The following SDC2 variants were observed in gnomAD, a reference collection of about 807,000 sequenced individuals.
SDC2 encodes syndecan-2.
In SDC2, 13 loss-of-function variants were observed where a neutral mutation model predicts 22.2. That is an observed-to-expected ratio of 0.59 (90% CI 0.38 to 0.93). The LOEUF (loss-of-function observed/expected upper bound fraction) is 0.93, where lower values mean the gene tolerates loss of function less well. Ranked by LOEUF, SDC2 falls within the 40% of genes least tolerant of loss-of-function variation. SDC2 has a pLI of 0.00. For synonymous variants in SDC2, 94 were observed against 92.8 expected, an observed-to-expected ratio of 1.01 and a Z score of -0.07; for missense variants, 235 against 246.8, an observed-to-expected ratio of 0.95 and a Z score of 0.32.
intron 1 of SDC2, among the ~76,000 whole-genome samples, chr8:96,502,285 C>G (rs926276257): frequency 1.3e-5 from 2 of 152,138 alleles, no homozygotes; most frequent in Admixed American, 6.5e-5. Context: ...ATAGGGGAAA[C>G]CGCCCCCATG....
chr8:96,596,426 C>T (rs1430863099), intron 2 of SDC2, among the ~76,000 whole-genome samples: 1 of 152,200 alleles, frequency 6.6e-6, no homozygotes, highest in African/African-American at 2.4e-5. Flanking sequence ...GGAGATAGGA[C>T]TATGTTCTAT....
chr8:96,546,694 A>C (rs1230984919), intron 1 of SDC2, among the ~76,000 whole-genome samples: 1 of 152,216 alleles, frequency 6.6e-6, no homozygotes, highest in East Asian at 1.9e-4. Context: ...GGGCTATGTT[A>C]ACAGTAAGGA....
At chr8:96,560,138 C>T (rs1463139934) in intron 1 of SDC2, among the ~76,000 whole-genome samples, 1 of 152,186 alleles carries the variant, frequency 6.6e-6, no homozygotes, top group Non-Finnish European at 1.5e-5. Flanking sequence ...ACCCCTACCC[C>T]TACCCTGTCA....
intron 1 of SDC2, among the ~76,000 whole-genome samples, chr8:96,573,795 T>G (rs1814442103): frequency 6.6e-6 from 1 of 152,152 alleles, no homozygotes; most frequent in Non-Finnish European, 1.5e-5. Flanking sequence ...AGTTTTGACC[T>G]TCTCCTTGAA....
intron 1 of SDC2, among the ~76,000 whole-genome samples, chr8:96,529,812 A>G (rs576291717): frequency 1.3e-5 from 2 of 150,130 alleles, no homozygotes; most frequent in Non-Finnish European, 3.0e-5. Context: ...TGTTCTTCTC[A>G]ATCCCTGGTG....
chr8:96,570,140 T>C (rs151127899), intron 1 of SDC2, among the ~76,000 whole-genome samples: 1 of 152,198 alleles, frequency 6.6e-6, no homozygotes, highest in African/African-American at 2.4e-5. Context: ...CTCCATTTTA[T>C]AGATGATGAG....
At chr8:96,570,487 C>T (rs1814375344) in intron 1 of SDC2, among the ~76,000 whole-genome samples, 1 of 152,154 alleles carries the variant, frequency 6.6e-6, no homozygotes, top group Admixed American at 6.5e-5. Context: ...AACTCATACT[C>T]TGCTAAGGGG....
At chr8:96,580,361 G>A in intron 1 of SDC2, 1 of 985,012 alleles carries the variant, frequency 1.0e-6, no homozygotes. Context: ...CTTTGTTCCA[G>A]AGCATTTGCC....
intron 2 of SDC2, among the ~76,000 whole-genome samples, chr8:96,600,921 A>G (rs756455224): frequency 3.9e-5 from 6 of 152,218 alleles, no homozygotes; most frequent in Admixed American, 2.0e-4. Flanking sequence ...TGCTTAACTC[A>G]TCATTTATTG....
intron 1 of SDC2, among the ~76,000 whole-genome samples, chr8:96,571,930 T>C (rs768570818): frequency 6.6e-6 from 1 of 152,204 alleles, no homozygotes; most frequent in Non-Finnish European, 1.5e-5. Context: ...ACAGGTAGAC[T>C]TTTCTTTCTG....
chr8:96,588,026 ATGCC>A (rs1024474680), intron 1 of SDC2, among the ~76,000 whole-genome samples: 1 of 152,110 alleles, frequency 6.6e-6, no homozygotes, highest in Admixed American at 6.5e-5. Flanking sequence ...TAAGCACAAA[ATGCC>A]TGGCACGTAA....
intron 1 of SDC2, among the ~76,000 whole-genome samples, chr8:96,566,757 T>C (rs1230341861): frequency 6.6e-6 from 1 of 152,026 alleles, no homozygotes; most frequent in Admixed American, 6.6e-5. Context: ...TTGAGAAGCA[T>C]GTGCCCTGTT....
At chr8:96,553,280 A>G (rs895957488) in intron 1 of SDC2, among the ~76,000 whole-genome samples, 12 of 152,184 alleles carry the variant, frequency 7.9e-5, no homozygotes, top group African/African-American at 2.9e-4. Context: ...GCTGATCTAT[A>G]AAATATATAT....
intron 1 of SDC2, among the ~76,000 whole-genome samples, chr8:96,577,689 A>G (rs926671279): frequency 6.6e-5 from 10 of 152,194 alleles, no homozygotes; most frequent in African/African-American, 2.4e-4. Context: ...ATATTATCAT[A>G]CAGAATAATT....
intron 1 of SDC2, among the ~76,000 whole-genome samples, chr8:96,576,127 A>G (rs556966384): frequency 3.3e-5 from 5 of 152,202 alleles, no homozygotes; most frequent in Non-Finnish European, 5.9e-5. Flanking sequence ...CAATTTATTT[A>G]AGTCAGCTAA....
chr8:96,499,762 C>CT (rs397763001), intron 1 of SDC2, among the ~76,000 whole-genome samples: 30,254 of 143,624 alleles, frequency 0.21, 3,359 homozygotes, highest in Non-Finnish European at 0.28. Context: ...CTCTCTTGGC[C>CT]TTTTTTTTTT....
chr8:96,567,567 A>G (rs1354264305), intron 1 of SDC2, among the ~76,000 whole-genome samples: 1 of 152,152 alleles, frequency 6.6e-6, no homozygotes, highest in Non-Finnish European at 1.5e-5. Flanking sequence ...GCACACCCGT[A>G]GCTTAGCTCC....
At chr8:96,573,757 C>A (rs962657048) in intron 1 of SDC2, among the ~76,000 whole-genome samples, 12 of 152,150 alleles carry the variant, frequency 7.9e-5, no homozygotes, top group South Asian at 6.2e-4. Flanking sequence ...GTCATCTGCA[C>A]TACATCCAGC....
intron 2 of SDC2, among the ~76,000 whole-genome samples, chr8:96,597,348 G>A (rs998065550): frequency 2.6e-5 from 4 of 152,130 alleles, no homozygotes; most frequent in Non-Finnish European, 2.9e-5. Context: ...CCAGTGAAAC[G>A]TACAGCTCTG....
Sources: allele counts gnomAD v4.1 joint callset (sites outside exome capture counted in the v4.1 genomes callset), GRCh38; gene constraint gnomAD v4.1.1; transcripts MANE v1.5; gene names NCBI Gene and HGNC (gene_info 2026-07-23, HGNC 2026-07-21).